Variants in PTPN2 observed in about 807,000 individuals in gnomAD.
The protein encoded by PTPN2 is protein tyrosine phosphatase non-receptor type 2.
In PTPN2, 19 loss-of-function variants were observed where a neutral mutation model predicts 57.3. The observed-to-expected ratio is 0.33, with a 90% CI of 0.23 to 0.49. The LOEUF (loss-of-function observed/expected upper bound fraction) is 0.49, where lower values mean the gene tolerates loss of function less well. PTPN2 is among the 20% of genes least tolerant of loss of function. The probability of loss-of-function intolerance (pLI) is 0.99; values close to 1 mark genes in which losing one functional copy is unlikely to be tolerated. For synonymous variants in PTPN2, 153 were observed against 164.9 expected (o/e 0.93, Z 0.55); for missense variants, 358 against 501.1 (o/e 0.71, Z 2.73).
chr18:12,827,138 TC>T (rs2042496164), intron 4 of PTPN2, among the ~76,000 whole-genome samples: 2 of 151,322 alleles, frequency 1.3e-5, no homozygotes, highest in Non-Finnish European at 2.9e-5. Flanking sequence ...GGTCAGGAGA[TC>T]GAGACCATCC....
chr18:12,818,654 A>G (rs2042162609), intron 5 of PTPN2, among the ~76,000 whole-genome samples: 1 of 151,160 alleles, frequency 6.6e-6, no homozygotes. Context: ...GTTTTATTGT[A>G]GGAGGTTTTT....
intron 2 of PTPN2, among the ~76,000 whole-genome samples, chr18:12,849,989 T>C (rs2043340227): frequency 1.3e-5 from 2 of 152,154 alleles, no homozygotes; most frequent in Admixed American, 6.5e-5. Flanking sequence ...TGCACCTTCT[T>C]TCTTTCTTGT....
chr18:12,880,542 C>A (rs963847217), intron 1 of PTPN2: 1 of 152,316 alleles, frequency 6.6e-6, no homozygotes, highest in Non-Finnish European at 1.5e-5. Context: ...TCCGCTGACA[C>A]AACTCCCTTT....
rs60239177 is a variant in PTPN2 at position 12,835,382 on chromosome 18, C to CTTTTTTTTTTTTTTTTTTTTTTTTTT, written c.261+1408_261+1409insAAAAAAAAAAAAAAAAAAAAAAAAAA. Among the ~76,000 whole-genome samples the CTTTTTTTTTTTTTTTTTTTTTTTTTT allele has an allele frequency of 1.5e-4, 15 of 99,018 alleles. 1 individual carries two copies. The highest frequency in any genetic ancestry group is 1.0e-3 in the East Asian group (3 of 2,906). 65.0% of individuals were successfully genotyped at this position (99,018 alleles called of 152,430 possible). ...CTGCAATGAACATGATCACATATGT[C>CTTTTTTTTTTTTTTTTTTTTTTTTTT]TTTTTTTTTTTTTTGGACAGTTTTG... On this transcript the variant is annotated intron_variant, in intron 3 of 8. Coordinates refer to ENST00000309660, the MANE Select transcript of PTPN2 (RefSeq NM_002828.4).
chr18:12,793,543 T>C lies in PTPN2; in HGVS notation c.*735A>G. The C allele has an allele frequency of 1.3e-5, 13 of 980,334 alleles. No homozygotes were observed. The highest frequency in any genetic ancestry group is 1.6e-5 in the Non-Finnish European group (13 of 824,862). 60.7% of individuals were successfully genotyped at this position (980,334 alleles called of 1,614,324 possible). ...TATTTTTAGGAAAAACTTTTGTTTC[T>C]TTGTTTGCTTTTCTTTTTAAAATGG... On this transcript the variant is annotated 3_prime_UTR_variant, in exon 9 of 9. Coordinates refer to ENST00000309660, the MANE Select transcript of PTPN2 (RefSeq NM_002828.4).
At chr18:12,873,425 G>A (rs1415041359) in intron 1 of PTPN2, among the ~76,000 whole-genome samples, 2 of 152,214 alleles carry the variant, frequency 1.3e-5, no homozygotes, top group Non-Finnish European at 2.9e-5. Flanking sequence ...GTGCCTGCGA[G>A]TGCAGGTGCG....
chr18:12,810,505 G>T (rs938173818), intron 7 of PTPN2, among the ~76,000 whole-genome samples: 1 of 152,176 alleles, frequency 6.6e-6, no homozygotes, highest in African/African-American at 2.4e-5. Flanking sequence ...GAATGCAATG[G>T]TGTGATCACA....
At chr18:12,860,785 T>C (rs1337129270) in intron 1 of PTPN2, among the ~76,000 whole-genome samples, 1 of 81,584 alleles carries the variant, frequency 1.2e-5, no homozygotes, top group Non-Finnish European at 3.3e-5. Context: ...CATTTCAACA[T>C]AGAAGACATT....
intron 1 of PTPN2, among the ~76,000 whole-genome samples, chr18:12,877,192 A>G (rs1048482740): frequency 3.3e-5 from 5 of 152,158 alleles, no homozygotes; most frequent in African/African-American, 1.2e-4. Flanking sequence ...AGCATCTAAC[A>G]TGTTTCAGGT....
rs540480992 is a variant in PTPN2 at position 12,842,922 on chromosome 18, C to T, written c.161-6031G>A. Among the ~76,000 whole-genome samples, 27 of 152,338 alleles carry T rather than the reference C, an allele frequency of 1.8e-4. No homozygotes were observed. In the South Asian group the frequency reaches 5.2e-3, roughly 29 times the overall value. ...TTTTGTTAGAATGACAAATCACTAT[C>T]AACCCATTCTGAACCATAAGCAGGA... On this transcript the variant is annotated intron_variant, in intron 2 of 8. Coordinates refer to ENST00000309660, the MANE Select transcript of PTPN2 (RefSeq NM_002828.4).
At chr18:12,858,563 A>T (rs955022188) in intron 2 of PTPN2, among the ~76,000 whole-genome samples, 2 of 152,082 alleles carry the variant, frequency 1.3e-5, no homozygotes, top group Non-Finnish European at 2.9e-5. Context: ...TGTTTATAAT[A>T]AAAAAAAGTT....
chr18:12,815,918 A>G (rs554502138), intron 6 of PTPN2, among the ~76,000 whole-genome samples: 152 of 152,340 alleles, frequency 1.0e-3, no homozygotes, highest in Non-Finnish European at 1.8e-3. Flanking sequence ...GGTGGAAAGC[A>G]TAAGAATGCT....
chr18:12,824,358 T>A (rs1205928982), intron 5 of PTPN2, among the ~76,000 whole-genome samples: 1 of 152,176 alleles, frequency 6.6e-6, no homozygotes, highest in Non-Finnish European at 1.5e-5. Flanking sequence ...CATGCACCTG[T>A]GCTTACTCAA....
At chr18:12,820,410 A>G (rs992947266) in intron 5 of PTPN2, among the ~76,000 whole-genome samples, 1 of 151,766 alleles carries the variant, frequency 6.6e-6, no homozygotes, top group African/African-American at 2.4e-5. Flanking sequence ...TATATTTACT[A>G]CTCTGGTATA....
intron 1 of PTPN2, among the ~76,000 whole-genome samples, chr18:12,873,936 C>T (rs997786877): frequency 3.4e-5 from 5 of 148,136 alleles, no homozygotes; most frequent in Non-Finnish European, 5.9e-5. Context: ...TCTGCCCGGT[C>T]GCGACCCCGT....
chr18:12,815,206 G>A (rs1005484785), intron 6 of PTPN2, among the ~76,000 whole-genome samples: 5 of 151,878 alleles, frequency 3.3e-5, no homozygotes, highest in African/African-American at 1.2e-4. Context: ...GAGGTCAAGA[G>A]ATTGAGACCT....
At chr18:12,848,129 G>A (rs1184128367) in intron 2 of PTPN2, among the ~76,000 whole-genome samples, 1 of 151,872 alleles carries the variant, frequency 6.6e-6, no homozygotes, top group African/African-American at 2.4e-5. Flanking sequence ...ATACTTATTC[G>A]GATTATTATT....
intron 3 of PTPN2, among the ~76,000 whole-genome samples, chr18:12,833,987 G>A (rs2042761270): frequency 6.6e-6 from 1 of 152,162 alleles, no homozygotes; most frequent in Non-Finnish European, 1.5e-5. Flanking sequence ...CGCATTAAAT[G>A]GGCAGGGCTC....
intron 1 of PTPN2, among the ~76,000 whole-genome samples, chr18:12,879,969 T>C (rs756642790): frequency 3.3e-5 from 5 of 152,328 alleles, no homozygotes; most frequent in South Asian, 2.1e-4. Flanking sequence ...ACTTTCAAGA[T>C]AGTGGTTTGC....
Sources: allele counts gnomAD v4.1 joint callset (sites outside exome capture counted in the v4.1 genomes callset), GRCh38; gene constraint gnomAD v4.1.1; transcripts MANE v1.5; gene names NCBI Gene and HGNC (gene_info 2026-07-23, HGNC 2026-07-21).